Variants in SHISA9 observed in about 807,000 individuals in gnomAD.
SHISA9 encodes the protein protein shisa-9.
Under a neutral mutation model 38.0 loss-of-function variants are expected in SHISA9, and 13 were observed. The ratio of observed to expected loss-of-function variants is 0.34; its 90% CI spans 0.22 to 0.54. SHISA9 has a LOEUF of 0.54. Among genes scored for constraint, SHISA9 ranks in the 20% least tolerant of loss-of-function variants. The probability of loss-of-function intolerance (pLI) is 0.91; values close to 1 mark genes in which losing one functional copy is unlikely to be tolerated. For missense variants in SHISA9, 538 were observed against 575.8 expected, an observed-to-expected ratio of 0.93 and a Z score of 0.67; for synonymous variants, 275 against 242.0, an observed-to-expected ratio of 1.14 and a Z score of -1.27.
intron 4 of SHISA9, among the ~76,000 whole-genome samples, chr16:13,232,313 A>C (rs1326166315): frequency 6.6e-6 from 1 of 152,216 alleles, no homozygotes; most frequent in Non-Finnish European, 1.5e-5. Flanking sequence ...AAATAAAAGG[A>C]GATTTCATAA....
chr16:13,476,448 C>T, the SHISA9 span, among the ~76,000 whole-genome samples: 1 of 152,138 alleles, frequency 6.6e-6, no homozygotes, highest in Admixed American at 6.5e-5. Context: ...AACCATTGTC[C>T]CAGTGATTGG....
chr16:13,214,671 G>T (rs1179988613), intron 4 of SHISA9, among the ~76,000 whole-genome samples: 1 of 152,206 alleles, frequency 6.6e-6, no homozygotes, highest in Non-Finnish European at 1.5e-5. Context: ...GTTCCACGTG[G>T]CTGGGGAAGT....
At chr16:13,060,753 A>G (rs535200899) in intron 2 of SHISA9, among the ~76,000 whole-genome samples, 2 of 152,120 alleles carry the variant, frequency 1.3e-5, no homozygotes, top group African/African-American at 4.8e-5. Context: ...TGGTGCCAAC[A>G]CAAAGCCCGC....
chr16:13,204,445 C>T (rs2051043988), intron 3 of SHISA9, among the ~76,000 whole-genome samples: 1 of 152,094 alleles, frequency 6.6e-6, no homozygotes, highest in South Asian at 2.1e-4. Context: ...ACACTTTAAC[C>T]CCTTTACCAT....
chr16:13,428,163 G>A, the SHISA9 span, among the ~76,000 whole-genome samples: 5 of 150,706 alleles, frequency 3.3e-5, no homozygotes, highest in African/African-American at 1.2e-4. Context: ...CTAGTCTTGT[G>A]ATGAAAGGGA....
At chr16:13,175,167 G>C (rs993443343) in intron 2 of SHISA9, among the ~76,000 whole-genome samples, 1 of 150,794 alleles carries the variant, frequency 6.6e-6, no homozygotes, top group Non-Finnish European at 1.5e-5. Context: ...AGGAATTAGA[G>C]ACCAGCTTGG....
At chr16:13,181,818 T>C (rs2050781866) in intron 2 of SHISA9, among the ~76,000 whole-genome samples, 2 of 152,048 alleles carry the variant, frequency 1.3e-5, no homozygotes, top group Non-Finnish European at 2.9e-5. Flanking sequence ...AATCTGAAGG[T>C]CACAACCTTT....
At chr16:13,390,658 G>A in the SHISA9 span, among the ~76,000 whole-genome samples, 1 of 152,164 alleles carries the variant, frequency 6.6e-6, no homozygotes, top group African/African-American at 2.4e-5. Context: ...ATGCTTAGAA[G>A]GGTATGTGGC....
intron 2 of SHISA9, among the ~76,000 whole-genome samples, chr16:13,083,318 G>A (rs1231221049): frequency 2.0e-5 from 3 of 152,162 alleles, no homozygotes; most frequent in Non-Finnish European, 4.4e-5. Flanking sequence ...TCTATACAAT[G>A]ATCATAGAAG....
At chr16:13,529,389 C>T in the SHISA9 span, among the ~76,000 whole-genome samples, 3 of 152,204 alleles carry the variant, frequency 2.0e-5, no homozygotes, top group African/African-American at 7.2e-5. Context: ...TTAGACAAAG[C>T]TTTGTTCCTT....
intron 3 of SHISA9, among the ~76,000 whole-genome samples, chr16:13,205,997 T>C (rs923151902): frequency 1.3e-5 from 2 of 151,540 alleles, no homozygotes; most frequent in Non-Finnish European, 2.9e-5. Flanking sequence ...ACTCCTGACT[T>C]CAAATGATTT....
chr16:13,137,211 G>A (rs1228497933), intron 2 of SHISA9, among the ~76,000 whole-genome samples: 2 of 152,160 alleles, frequency 1.3e-5, no homozygotes, highest in Non-Finnish European at 2.9e-5. Context: ...TGTTGGCTCT[G>A]AAATGGGAGG....
intron 2 of SHISA9, among the ~76,000 whole-genome samples, chr16:13,197,099 G>GTACA (rs772629618): frequency 1.8e-5 from 1 of 56,122 alleles, no homozygotes; most frequent in Non-Finnish European, 3.1e-5. Flanking sequence ...CTCTCTCTCT[G>GTACA]TACATACACA....
At chr16:13,553,869 G>A in the SHISA9 span, among the ~76,000 whole-genome samples, 1 of 152,096 alleles carries the variant, frequency 6.6e-6, no homozygotes, top group East Asian at 1.9e-4. Context: ...TCCAACTGGG[G>A]AGGCCCAGAA....
At chr16:13,199,874 G>T (rs943308161) in intron 2 of SHISA9, among the ~76,000 whole-genome samples, 1 of 152,150 alleles carries the variant, frequency 6.6e-6, no homozygotes, top group Non-Finnish European at 1.5e-5. Flanking sequence ...CGCTAGCTGG[G>T]CACATACTCA....
chr16:13,446,002 C>T, the SHISA9 span, among the ~76,000 whole-genome samples: 1 of 151,982 alleles, frequency 6.6e-6, no homozygotes, highest in Admixed American at 6.6e-5. Context: ...GAGTACAGTG[C>T]TGCGATCTCA....
intron 2 of SHISA9, among the ~76,000 whole-genome samples, chr16:13,155,455 A>G (rs895003732): frequency 1.3e-5 from 2 of 152,224 alleles, no homozygotes; most frequent in African/African-American, 4.8e-5. Flanking sequence ...TAAGTAGTCA[A>G]CATAATGTTG....
the SHISA9 span, among the ~76,000 whole-genome samples, chr16:13,526,188 T>C: frequency 6.6e-6 from 1 of 152,246 alleles, no homozygotes; most frequent in Non-Finnish European, 1.5e-5. Flanking sequence ...GTTTCAGTTA[T>C]TTCTCTTGTT....
intron 2 of SHISA9, among the ~76,000 whole-genome samples, chr16:13,027,753 C>A (rs193290634): frequency 5.9e-5 from 9 of 151,548 alleles, no homozygotes; most frequent in South Asian, 2.1e-4. Context: ...ATGGTGAAAC[C>A]CTGTCTCTAC....
Sources: allele counts gnomAD v4.1 joint callset (sites outside exome capture counted in the v4.1 genomes callset), GRCh38; gene constraint gnomAD v4.1.1; transcripts MANE v1.5; gene names NCBI Gene and HGNC (gene_info 2026-07-23, HGNC 2026-07-21).